Variants in RBFOX1 observed in about 807,000 individuals in gnomAD.
RBFOX1 encodes RNA binding fox-1 homolog 1.
RBFOX1 carries 8 observed loss-of-function variants against 57.7 expected under a neutral mutation model. That is an observed-to-expected ratio of 0.14 (90% CI 0.08 to 0.25). The LOEUF is 0.25. RBFOX1 is among the 10% of genes least tolerant of loss of function. The pLI is 1.00. For synonymous variants in RBFOX1, 326 were observed against 222.4 expected (o/e 1.47, Z -4.15); for missense variants, 611 against 548.5 (o/e 1.11, Z -1.14).
At chr16:7,070,067 A>G (rs1220199659) in intron 4 of RBFOX1, among the ~76,000 whole-genome samples, 1 of 152,116 alleles carries the variant, frequency 6.6e-6, no homozygotes, top group Non-Finnish European at 1.5e-5. Context: ...CTTGCACAGT[A>G]CATCACTGCT....
rs529291411 is a variant in RBFOX1 at position 7,358,874 on chromosome 16, A to G, written c.28-159273A>G. 9.7e-4 allele frequency among the ~76,000 whole-genome samples: 148 copies of G among 152,352 alleles called. 1 individual carries two copies. The highest frequency in any genetic ancestry group is 3.0e-3 in the African/African-American group (123 of 41,576). The stretch of plus-strand genomic sequence containing the variant: ...ATACGAGAGAAGTAACTTTCTAAGG[A>G]CAAGACATGAGACAGTAAGACCATT... On this transcript the variant is annotated intron_variant, in intron 4 of 15. Coordinates refer to ENST00000550418, the MANE Select transcript of RBFOX1 (RefSeq NM_018723.4).
At chr16:6,310,194 C>T (rs1449116791) in intron 1 of RBFOX1, among the ~76,000 whole-genome samples, 1 of 152,148 alleles carries the variant, frequency 6.6e-6, no homozygotes, top group Non-Finnish European at 1.5e-5. Context: ...CCGCTTATTG[C>T]CTTTAAGCAG....
chr16:5,718,823 C>G (rs962723150), intron 3 of RBFOX1, among the ~76,000 whole-genome samples: 3 of 152,174 alleles, frequency 2.0e-5, no homozygotes, highest in Non-Finnish European at 2.9e-5. Flanking sequence ...GCAGGAGAAT[C>G]GCTTGAACCT....
At chr16:5,260,332 C>G (rs1378770236) in intron 1 of RBFOX1, among the ~76,000 whole-genome samples, 2 of 152,244 alleles carry the variant, frequency 1.3e-5, no homozygotes, top group Middle Eastern at 3.4e-3. Context: ...AAATAAACCT[C>G]CTAATATTAA....
At chr16:7,326,000 C>T (rs2096606575) in intron 4 of RBFOX1, among the ~76,000 whole-genome samples, 1 of 152,094 alleles carries the variant, frequency 6.6e-6, no homozygotes, top group Non-Finnish European at 1.5e-5. Context: ...CTTGATGACT[C>T]AGCAGGTATT....
intron 3 of RBFOX1, among the ~76,000 whole-genome samples, chr16:6,987,456 GACACACACAC>G (rs199503873): frequency 2.5e-3 from 333 of 135,516 alleles, no homozygotes; most frequent in African/African-American, 6.3e-3. Flanking sequence ...AAACTTTTCA[GACACACACAC>G]ACACACACAC....
intron 1 of RBFOX1, among the ~76,000 whole-genome samples, chr16:6,099,067 A>C (rs1458402787): frequency 6.6e-6 from 1 of 152,164 alleles, no homozygotes; most frequent in Non-Finnish European, 1.5e-5. Flanking sequence ...TCTGGTTGAG[A>C]GTCTGTCATG....
intron 14 of RBFOX1, among the ~76,000 whole-genome samples, chr16:7,694,649 G>A (rs188955260): frequency 4.6e-4 from 70 of 152,262 alleles, no homozygotes; most frequent in East Asian, 1.2e-3. Flanking sequence ...TGTGAGAGGT[G>A]GCGACATCCT....
intron 3 of RBFOX1, among the ~76,000 whole-genome samples, chr16:5,867,102 A>G (rs1175605188): frequency 6.6e-6 from 1 of 152,056 alleles, no homozygotes; most frequent in South Asian, 2.1e-4. Context: ...CCTTATTAAC[A>G]GGGCTGGATA....
chr16:7,000,254 A>C (rs1056462568), intron 3 of RBFOX1, among the ~76,000 whole-genome samples: 1 of 152,110 alleles, frequency 6.6e-6, no homozygotes, highest in African/African-American at 2.4e-5. Flanking sequence ...ATCATTGTTC[A>C]AGTCTACCTG....
At chr16:5,382,250 C>G (rs901475777) in intron 1 of RBFOX1, among the ~76,000 whole-genome samples, 1 of 152,190 alleles carries the variant, frequency 6.6e-6, no homozygotes, top group African/African-American at 2.4e-5. Context: ...GGTACCACAT[C>G]TTTTATGTTT....
In RBFOX1 at chr16:6,340,066, C is replaced by A. The variant is rs1481267951; in HGVS notation, c.-64+23009C>A. Among the ~76,000 whole-genome samples the A allele has an allele frequency of 2.6e-5, 4 of 152,254 alleles. No individual in the cohort carries two copies. The East Asian group carries it at 5.8e-4, about 22-fold the overall frequency. ...CAATGGGGATGCAAAAGGTTGGTATCTAGTGACTTTCAGTTAGAAGGAAGT... is the reference window on the plus strand; with the variant it reads ...CAATGGGGATGCAAAAGGTTGGTATATAGTGACTTTCAGTTAGAAGGAAGT... On this transcript the variant is annotated intron_variant, in intron 2 of 15. Transcript: ENST00000550418.
intron 2 of RBFOX1, among the ~76,000 whole-genome samples, chr16:6,399,643 C>A (rs565430362): frequency 1.9e-4 from 29 of 152,356 alleles, no homozygotes; most frequent in African/African-American, 6.0e-4. Context: ...GCCTGTTACC[C>A]AGTTCCAAAG....
chr16:7,002,847 G>A (rs181069239), intron 3 of RBFOX1, among the ~76,000 whole-genome samples: 32 of 152,198 alleles, frequency 2.1e-4, no homozygotes, highest in Non-Finnish European at 1.0e-4. Flanking sequence ...GCTGATAGGA[G>A]TTTCTCTCAA....
intron 3 of RBFOX1, among the ~76,000 whole-genome samples, chr16:5,700,834 C>T (rs945717828): frequency 1.3e-5 from 2 of 152,106 alleles, no homozygotes; most frequent in African/African-American, 4.8e-5. Context: ...GGTCCCACAC[C>T]CATCTGTGAA....
intron 1 of RBFOX1, among the ~76,000 whole-genome samples, chr16:5,389,116 G>A (rs981340942): frequency 1.3e-4 from 20 of 151,852 alleles, no homozygotes; most frequent in African/African-American, 4.3e-4. Flanking sequence ...GCGTGAACCC[G>A]GGAGGCGGAG....
At chr16:6,575,896 A>T (rs893478874) in intron 2 of RBFOX1, among the ~76,000 whole-genome samples, 18 of 149,228 alleles carry the variant, frequency 1.2e-4, no homozygotes, top group African/African-American at 3.6e-4. Flanking sequence ...TAAATAAATA[A>T]AGATTAATAA....
At chr16:6,600,339 T>C (rs755688027) in intron 2 of RBFOX1, among the ~76,000 whole-genome samples, 6 of 152,180 alleles carry the variant, frequency 3.9e-5, no homozygotes, top group Non-Finnish European at 8.8e-5. Context: ...CCAGCTGAGC[T>C]ACTGTCAGGA....
intron 10 of RBFOX1, among the ~76,000 whole-genome samples, chr16:7,620,690 T>G (rs1307585357): frequency 6.6e-6 from 1 of 152,210 alleles, no homozygotes; most frequent in South Asian, 2.1e-4. Flanking sequence ...TAATGGATAT[T>G]GATCATTCTC....
Sources: allele counts gnomAD v4.1 joint callset (sites outside exome capture counted in the v4.1 genomes callset), GRCh38; gene constraint gnomAD v4.1.1; transcripts MANE v1.5; gene names NCBI Gene and HGNC (gene_info 2026-07-23, HGNC 2026-07-21).